The following PLCH1 variants were observed in gnomAD, a reference collection of about 807,000 sequenced individuals.
PLCH1 encodes phospholipase C eta 1.
A neutral mutation model predicts 126.7 loss-of-function variants in PLCH1; 60 were observed. The observed-to-expected ratio is 0.47, with a 90% CI of 0.38 to 0.59. PLCH1 has a LOEUF of 0.59. Among genes scored for constraint, PLCH1 ranks in the 20% least tolerant of loss-of-function variants. The probability of loss-of-function intolerance (pLI) is 0.00; values close to 1 mark genes in which losing one functional copy is unlikely to be tolerated. For missense variants in PLCH1, 1,723 were observed against 2,040.0 expected (o/e 0.84, Z 2.99); for synonymous variants, 719 against 734.9 (o/e 0.98, Z 0.35).
chr3:155,481,268 C>T lies in PLCH1; in HGVS notation c.4758G>A (p.Lys1586=). Residue 1586 remains lysine, a synonymous_variant, in exon 23 of 23, where the codon AAG becomes AAA. Coordinates refer to ENST00000460012, the MANE Select transcript of PLCH1 (RefSeq NM_014996.4). The surrounding 1 kb of genome is among the most constrained non-coding windows in gnomAD (Gnocchi z 4.2). ...SRVRNIASRA[K]EKQEANKQKV... ...TCTGCTTGTTGGCTTCCTGTTTCTCCTTGGCACGACTAGCAATATTGCGCA... is the reference window on the plus strand; with the variant it reads ...TCTGCTTGTTGGCTTCCTGTTTCTCTTTGGCACGACTAGCAATATTGCGCA... 5 of 1,614,224 alleles carry T rather than the reference C, an allele frequency of 3.1e-6. No individual in the cohort carries two copies. The highest frequency in any genetic ancestry group is 1.1e-5 in the South Asian group (1 of 91,086).
chr3:155,587,127 G>A (rs1348799223), intron 4 of PLCH1, among the ~76,000 whole-genome samples: 1 of 152,156 alleles, frequency 6.6e-6, no homozygotes, highest in Non-Finnish European at 1.5e-5. Flanking sequence ...CAAGGTTAGA[G>A]TTCTTCGTTT....
chr3:155,454,387 G>A (rs1366352254), intron 21 of PLCH1, among the ~76,000 whole-genome samples: 1 of 152,054 alleles, frequency 6.6e-6, no homozygotes, highest in Non-Finnish European at 1.5e-5. Flanking sequence ...GGGGACTGAG[G>A]CAGGAGGATC....
chr3:155,575,176 G>A (rs1461121611), intron 6 of PLCH1, among the ~76,000 whole-genome samples: 1 of 151,780 alleles, frequency 6.6e-6, no homozygotes, highest in African/African-American at 2.4e-5. Context: ...AGAAATTCAG[G>A]AAAACACCTC....
chr3:155,666,712 A>C (rs1025254087), intron 2 of PLCH1, among the ~76,000 whole-genome samples: 5 of 152,156 alleles, frequency 3.3e-5, no homozygotes, highest in South Asian at 2.1e-4. Flanking sequence ...GGATTTGTTT[A>C]AGTTATTGCT....
chr3:155,734,282 G>T (rs1054722071), intron 1 of PLCH1, among the ~76,000 whole-genome samples: 4 of 151,840 alleles, frequency 2.6e-5, no homozygotes, highest in Non-Finnish European at 5.9e-5. Flanking sequence ...AACATAGTGA[G>T]ACCTGGTCTC....
intron 10 of PLCH1, among the ~76,000 whole-genome samples, chr3:155,542,435 G>A (rs1476407195): frequency 1.3e-5 from 2 of 152,240 alleles, no homozygotes; most frequent in South Asian, 2.1e-4. Context: ...GCCTGCCTCT[G>A]TAGGCTCCAC....
intron 21 of PLCH1, among the ~76,000 whole-genome samples, chr3:155,467,049 T>C (rs976438057): frequency 3.3e-4 from 50 of 152,052 alleles, no homozygotes; most frequent in African/African-American, 1.1e-3. Flanking sequence ...AAAGAAGCGG[T>C]AGAGAAAGAG....
chr3:155,543,612 G>A (rs535293930), intron 10 of PLCH1, among the ~76,000 whole-genome samples: 26 of 152,238 alleles, frequency 1.7e-4, no homozygotes, highest in African/African-American at 6.3e-4. Flanking sequence ...TGAAATGACG[G>A]AAAAAATGTT....
intron 2 of PLCH1, among the ~76,000 whole-genome samples, chr3:155,614,715 A>G (rs1463644850): frequency 1.3e-5 from 2 of 152,218 alleles, no homozygotes; most frequent in African/African-American, 4.8e-5. Flanking sequence ...TAGTGCTGGG[A>G]TAATTGGCAA....
At chr3:155,630,832 C>T (rs1737939407) in intron 2 of PLCH1, among the ~76,000 whole-genome samples, 1 of 152,144 alleles carries the variant, frequency 6.6e-6, no homozygotes, top group Non-Finnish European at 1.5e-5. Flanking sequence ...CAAATAAATA[C>T]AGTTTTTAAA....
At chr3:155,714,144 G>C (rs1030480322) in intron 1 of PLCH1, among the ~76,000 whole-genome samples, 2 of 152,162 alleles carry the variant, frequency 1.3e-5, no homozygotes, top group Non-Finnish European at 2.9e-5. Context: ...ACGTATGTTT[G>C]GGAATTTTGC....
chr3:155,487,322 G>A (rs373973443), intron 21 of PLCH1, among the ~76,000 whole-genome samples: 6 of 152,130 alleles, frequency 3.9e-5, no homozygotes, highest in African/African-American at 1.2e-4. Context: ...CAAAGAGCAC[G>A]GGACATTTCT....
At chr3:155,631,902 C>CTTTTT (rs60843505) in intron 2 of PLCH1, among the ~76,000 whole-genome samples, 9 of 140,842 alleles carry the variant, frequency 6.4e-5, no homozygotes, top group Non-Finnish European at 9.3e-5. Flanking sequence ...ACAAGAACTC[C>CTTTTT]TTTTTTTTTT....
At chr3:155,621,959 G>A (rs1480200896) in intron 2 of PLCH1, among the ~76,000 whole-genome samples, 2 of 152,094 alleles carry the variant, frequency 1.3e-5, no homozygotes, top group South Asian at 2.1e-4. Context: ...ACACATAATC[G>A]TCAGATTCAC....
intron 1 of PLCH1, among the ~76,000 whole-genome samples, chr3:155,710,703 T>G (rs1747047276): frequency 6.6e-6 from 1 of 151,874 alleles, no homozygotes; most frequent in South Asian, 2.1e-4. Context: ...CGTGTTAGCA[T>G]GCACCTGTAA....
At chr3:155,656,751 C>T (rs1741426988) in intron 2 of PLCH1, among the ~76,000 whole-genome samples, 1 of 152,022 alleles carries the variant, frequency 6.6e-6, no homozygotes, top group African/African-American at 2.4e-5. Context: ...GGCAAGGATG[C>T]CCACTGTCTC....
chr3:155,492,938 A>G (rs2108085858), intron 17 of PLCH1, 85 bp from the exon 18 acceptor site: 1 of 1,123,362 alleles, frequency 8.9e-7, no homozygotes. Flanking sequence ...AGAAACAAAC[A>G]AACAAAAACA....
At chr3:155,630,733 C>A (rs1348164100) in intron 2 of PLCH1, among the ~76,000 whole-genome samples, 1 of 152,138 alleles carries the variant, frequency 6.6e-6, no homozygotes, top group African/African-American at 2.4e-5. Flanking sequence ...ATGGTGGCAA[C>A]TATGATTGAT....
At chr3:155,608,362 C>T (rs765449558) in intron 2 of PLCH1, among the ~76,000 whole-genome samples, 6 of 152,172 alleles carry the variant, frequency 3.9e-5, no homozygotes, top group Non-Finnish European at 4.4e-5. Flanking sequence ...GGAGCCATGG[C>T]TGACAGTGTG....
Sources: gnomAD v4.1 joint callset for allele counts (sites outside exome capture counted in the v4.1 genomes callset) on GRCh38, gnomAD v4.1.1 for gene constraint, Gnocchi (gnomAD v3.1) non-coding constraint, MANE v1.5 for transcripts, NCBI Gene and HGNC (gene_info 2026-07-23, HGNC 2026-07-21) for gene names.